Variants in ADGRL2 observed in about 807,000 individuals in gnomAD.
The protein encoded by ADGRL2 is adhesion G protein-coupled receptor L2.
In ADGRL2, 44 loss-of-function variants were observed where a neutral mutation model predicts 157.4. That is an observed-to-expected ratio of 0.28 (90% CI 0.22 to 0.36). The LOEUF (loss-of-function observed/expected upper bound fraction) is 0.36, where lower values mean the gene tolerates loss of function less well. ADGRL2 is among the 10% of genes least tolerant of loss of function. ADGRL2 has a pLI of 1.00. For missense variants in ADGRL2, 1,510 were observed against 1,768.9 expected (o/e 0.85, Z 2.63); for synonymous variants, 585 against 624.7 (o/e 0.94, Z 0.95).
intron 1 of ADGRL2, among the ~76,000 whole-genome samples, chr1:81,412,590 G>T (rs1356808440): frequency 6.6e-6 from 1 of 152,200 alleles, no homozygotes; most frequent in Non-Finnish European, 1.5e-5. Flanking sequence ...GCTGGGGGAA[G>T]AGACTCCATC....
intron 1 of ADGRL2, among the ~76,000 whole-genome samples, chr1:81,431,985 C>T (rs1054314409): frequency 1.3e-5 from 2 of 152,120 alleles, no homozygotes; most frequent in African/African-American, 2.4e-5. Context: ...TCCCTCAGCC[C>T]CTGTATTTAC....
chr1:81,863,370 A>G (rs2093443167), intron 2 of ADGRL2, among the ~76,000 whole-genome samples: 1 of 152,170 alleles, frequency 6.6e-6, no homozygotes, highest in Non-Finnish European at 1.5e-5. Flanking sequence ...CCTCCTAAAT[A>G]CTGCATAATA....
In ADGRL2 at chr1:81,320,492, C is replaced by T. The variant is rs112677992; in HGVS notation, c.-302+13983C>T. Among the ~76,000 whole-genome samples, 379 of 152,300 alleles carry T rather than the reference C, an allele frequency of 2.5e-3. 2 individuals are homozygous for T. The highest frequency in any genetic ancestry group is 8.6e-3 in the African/African-American group (358 of 41,556). On this transcript the variant is annotated intron_variant, in intron 1 of 24. Coordinates refer to the ADGRL2 transcript ENST00000370721. ...AGCCATAGCCTTATTAAATGTACTT[C>T]TTAGATCATAAGACTTGAAGGTCAA...
intron 3 of ADGRL2, among the ~76,000 whole-genome samples, chr1:81,650,910 C>T (rs1368993062): frequency 6.6e-6 from 1 of 152,158 alleles, no homozygotes; most frequent in South Asian, 2.1e-4. Flanking sequence ...CCTGCCCCCA[C>T]CTCCATTTTC....
At chr1:81,747,207 A>G (rs1200180317) in intron 1 of ADGRL2, among the ~76,000 whole-genome samples, 3 of 146,310 alleles carry the variant, frequency 2.1e-5, no homozygotes, top group Non-Finnish European at 3.0e-5. Context: ...ATGTATATAT[A>G]TGTATGTGTG....
chr1:81,748,602 G>C (rs893555792), intron 1 of ADGRL2, among the ~76,000 whole-genome samples: 1 of 151,766 alleles, frequency 6.6e-6, no homozygotes, highest in African/African-American at 2.4e-5. Context: ...TATCTGAAAA[G>C]TGGTTAATGA....
At chr1:81,910,746 AC>A (rs2094702324) in intron 3 of ADGRL2, among the ~76,000 whole-genome samples, 1 of 151,594 alleles carries the variant, frequency 6.6e-6, no homozygotes, top group Non-Finnish European at 1.5e-5. Context: ...TAAAAAAAAA[AC>A]TTAAAAATCC....
intron 2 of ADGRL2, among the ~76,000 whole-genome samples, chr1:81,538,862 G>A (rs955001434): frequency 6.6e-6 from 1 of 151,998 alleles, no homozygotes; most frequent in Non-Finnish European, 1.5e-5. Flanking sequence ...AAAAAAATTA[G>A]CCAGGCATGG....
intron 3 of ADGRL2, among the ~76,000 whole-genome samples, chr1:81,633,842 T>C (rs1321349825): frequency 6.6e-6 from 1 of 152,036 alleles, no homozygotes; most frequent in African/African-American, 2.4e-5. Context: ...CTACCACCAT[T>C]TGCAAGGCTA....
intron 2 of ADGRL2, chr1:81,557,944 C>A (rs1018333110): frequency 1.3e-5 from 2 of 152,232 alleles, no homozygotes; most frequent in Non-Finnish European, 2.9e-5. Flanking sequence ...TTGAGGAGGG[C>A]GCACCTCTGT....
chr1:81,917,478 C>T (rs2094883338), intron 3 of ADGRL2, among the ~76,000 whole-genome samples: 2 of 151,796 alleles, frequency 1.3e-5, no homozygotes, highest in Admixed American at 1.3e-4. Flanking sequence ...AGAGGTAATA[C>T]ATCTCTTGTG....
rs1194558199 is a variant in ADGRL2, at chr1:81,970,461, G to T, written c.2881G>T (p.Gly961Cys). ...YSRKKYYYVA[G>C]YLFPATVVGV... The stretch of plus-strand genomic sequence containing the variant: ...AAGGAAAAAATATTACTATGTTGCT[G>T]GTTACTTGTTTCCTGCCACAGTGGT... Residue 961 changes from glycine to cysteine, a missense_variant, in exon 16 of 24, where the codon GGT (glycine) becomes TGT (cysteine). By Grantham distance (159) the Gly-to-Cys change is radical. Coordinates refer to ENST00000686636, the MANE Select transcript of ADGRL2 (RefSeq NM_001366006.2). The T allele has an allele frequency of 6.4e-6, 10 of 1,567,316 alleles. No homozygotes were observed. The African/African-American group carries it at 1.4e-4, about 22-fold the overall frequency.
intron 2 of ADGRL2, among the ~76,000 whole-genome samples, chr1:81,787,704 G>A (rs1250386736): frequency 6.6e-6 from 1 of 151,904 alleles, no homozygotes; most frequent in Non-Finnish European, 1.5e-5. Context: ...AGAGTGGTGG[G>A]AAGTGGTGAC....
At position 81,844,077 on chromosome 1, in the gene ADGRL2, A is replaced by G. The variant is rs550565098; in HGVS notation, c.73+7020A>G. 7.9e-5 allele frequency among the ~76,000 whole-genome samples: 12 copies of G among 152,302 alleles called. No individual in the cohort carries two copies. The South Asian group carries it at 2.5e-3, about 32-fold the overall frequency. On this transcript the variant is annotated intron_variant, in intron 2 of 23. Transcript: ENST00000686636. ...GGCTGTTTAATTTCGGTAAACCTCC[A>G]TTTTCTGACAGAAAAGACCATATCA...
At chr1:81,480,447 T>C (rs186334949) in intron 2 of ADGRL2, among the ~76,000 whole-genome samples, 4 of 152,350 alleles carry the variant, frequency 2.6e-5, no homozygotes. Flanking sequence ...ATATGATGTT[T>C]ATTTTGACAG....
At chr1:81,794,170 C>T (rs1048998249) in intron 2 of ADGRL2, among the ~76,000 whole-genome samples, 4 of 152,052 alleles carry the variant, frequency 2.6e-5, no homozygotes, top group Non-Finnish European at 5.9e-5. Flanking sequence ...ATTAGCTTTT[C>T]TTGCTGTGGA....
At chr1:81,771,398 A>T (rs975660180) in intron 2 of ADGRL2, among the ~76,000 whole-genome samples, 1 of 152,174 alleles carries the variant, frequency 6.6e-6, no homozygotes, top group Non-Finnish European at 1.5e-5. Flanking sequence ...TGTCCCTGCT[A>T]GCATAGGGGG....
chr1:81,308,506 G>T (rs779391455), intron 1 of ADGRL2, among the ~76,000 whole-genome samples: 2 of 152,050 alleles, frequency 1.3e-5, no homozygotes, highest in African/African-American at 2.4e-5. Flanking sequence ...ACAAAGGAAC[G>T]CCATGTAATA....
chr1:81,621,765 A>G (rs1180277407), intron 3 of ADGRL2, among the ~76,000 whole-genome samples: 1 of 152,176 alleles, frequency 6.6e-6, no homozygotes, highest in African/African-American at 2.4e-5. Flanking sequence ...ATGCCTCTAT[A>G]TTTTAATCCT....
Sources: allele counts gnomAD v4.1 joint callset (sites outside exome capture counted in the v4.1 genomes callset), GRCh38; gene constraint gnomAD v4.1.1; transcripts MANE v1.5; gene names NCBI Gene and HGNC (gene_info 2026-07-23, HGNC 2026-07-21).